Variants in SNX29 observed in about 807,000 individuals in gnomAD.
SNX29 encodes the protein sorting nexin 29.
Under a neutral mutation model 102.1 loss-of-function variants are expected in SNX29, and 78 were observed. That is an observed-to-expected ratio of 0.76 (90% CI 0.64 to 0.92). The LOEUF is 0.92. Among genes scored for constraint, SNX29 ranks in the 40% least tolerant of loss-of-function variants. The pLI, the probability that SNX29 is intolerant of heterozygous loss-of-function variation, is 0.00. For missense variants in SNX29, 1,280 were observed against 1,061.7 expected (o/e 1.21, Z -2.86); for synonymous variants, 580 against 414.5 (o/e 1.40, Z -4.85).
chr16:12,053,790 G>A (rs1203723770), intron 8 of SNX29, among the ~76,000 whole-genome samples: 1 of 151,752 alleles, frequency 6.6e-6, no homozygotes, highest in Non-Finnish European at 1.5e-5. Flanking sequence ...GCCAGGTGCT[G>A]CAGATGATTT....
At chr16:12,497,812 T>A (rs558523258) in intron 19 of SNX29, among the ~76,000 whole-genome samples, 91 of 152,310 alleles carry the variant, frequency 6.0e-4, no homozygotes, top group Non-Finnish European at 2.4e-4. Context: ...TTCCCAGTAG[T>A]TTCAGTCTCA....
At chr16:12,448,283 C>T (rs1012941149) in intron 18 of SNX29, among the ~76,000 whole-genome samples, 1 of 152,180 alleles carries the variant, frequency 6.6e-6, no homozygotes, top group African/African-American at 2.4e-5. Flanking sequence ...CCCCAGTGAA[C>T]TTCCCTGAAT....
intron 19 of SNX29, among the ~76,000 whole-genome samples, chr16:12,482,284 TTTTTCCTTTTCC>T (rs543478166): frequency 5.2e-4 from 79 of 150,872 alleles, no homozygotes; most frequent in Non-Finnish European, 9.1e-4. Context: ...TTCTTTTTCC[TTTTTCCTTTTCC>T]TTTTCCTTTT....
Position 12,572,258 on chromosome 16 carries a change from G to T in SNX29, c.*3629G>T, listed in dbSNP as rs764442878. 2.4e-5 allele frequency: 25 copies of T among 1,056,682 alleles called. No homozygotes were observed. Among genetic ancestry groups the T allele is most frequent in the Non-Finnish European group, 2.5e-5 (22 of 872,232 alleles). The allele number at this position is 1,056,682 out of a possible 1,614,324, so 65.5% of individuals were successfully genotyped here. A position where few individuals can be genotyped will look rare whatever the true frequency, so the allele number is the denominator to read the frequency against. On this transcript the variant is annotated 3_prime_UTR_variant, in exon 21 of 21. Coordinates refer to ENST00000566228, the MANE Select transcript of SNX29 (RefSeq NM_032167.5). ...TTTACACCAGGTGGATTGATACCAT[G>T]GCTGTAGCTGATGCAACTAACAAGT...
intron 1 of SNX29, among the ~76,000 whole-genome samples, chr16:11,990,475 G>T (rs1288288671): frequency 6.6e-6 from 1 of 152,066 alleles, no homozygotes; most frequent in Non-Finnish European, 1.5e-5. Context: ...TCTTGTATGT[G>T]CCCCGGGCAT....
At chr16:12,539,649 C>T (rs1447885090) in intron 20 of SNX29, among the ~76,000 whole-genome samples, 1 of 152,150 alleles carries the variant, frequency 6.6e-6, no homozygotes, top group Non-Finnish European at 1.5e-5. Flanking sequence ...AAACTGCATT[C>T]CCACAGCGTA....
At chr16:12,267,032 G>C (rs762548274) in intron 14 of SNX29, among the ~76,000 whole-genome samples, 2 of 152,148 alleles carry the variant, frequency 1.3e-5, no homozygotes, top group Non-Finnish European at 2.9e-5. Context: ...CAAAGTGCTG[G>C]GATCACAGTG....
intron 8 of SNX29, among the ~76,000 whole-genome samples, chr16:12,058,797 GTTTTTT>G (rs34150245): frequency 8.8e-6 from 1 of 113,762 alleles, no homozygotes; most frequent in African/African-American, 3.3e-5. Context: ...CCCGGCCTGG[GTTTTTT>G]TTTTTTTTTT....
At chr16:12,379,129 C>T (rs2151417481) in intron 16 of SNX29, among the ~76,000 whole-genome samples, 1 of 152,218 alleles carries the variant, frequency 6.6e-6, no homozygotes, top group South Asian at 2.1e-4. Context: ...TCTTCCTTTT[C>T]TTAAAAAAAT....
intron 15 of SNX29, among the ~76,000 whole-genome samples, chr16:12,339,766 T>C (rs1341058374): frequency 6.6e-6 from 1 of 152,180 alleles, no homozygotes; most frequent in Admixed American, 6.5e-5. Flanking sequence ...TCCCAGTAGC[T>C]CTAACAAGAT....
chr16:12,085,331 CT>C (rs1202419506), intron 11 of SNX29, among the ~76,000 whole-genome samples: 1 of 152,168 alleles, frequency 6.6e-6, no homozygotes, highest in African/African-American at 2.4e-5. Flanking sequence ...CTCCACTCTT[CT>C]TCCCTTTCCT....
In SNX29 at chr16:12,129,755, C is replaced by T. The variant is rs1469427547; in HGVS notation, c.1592C>T (p.Ala531Val). 6.2e-6 allele frequency: 10 copies of T among 1,605,070 alleles called. No homozygotes were observed. The East Asian group carries it at 2.0e-4, about 32-fold the overall frequency. Residue 531 changes from alanine to valine, a missense_variant, in exon 13 of 21, where the codon GCC becomes GTC. Coordinates refer to ENST00000566228, the MANE Select transcript of SNX29 (RefSeq NM_032167.5). Reference protein sequence around the residue: ...ERQGMKVQALARENEVLKVQL... With the variant: ...ERQGMKVQALVRENEVLKVQL... ...CAGGGCATGAAGGTCCAGGCGCTGG[C>T]CAGGTAGGAGAGGGTGAGGGATGGA... is the stretch of plus-strand genomic sequence containing the variant.
intron 3 of SNX29, among the ~76,000 whole-genome samples, chr16:12,007,048 A>C (rs915473925): frequency 1.3e-5 from 2 of 152,080 alleles, no homozygotes; most frequent in African/African-American, 2.4e-5. Flanking sequence ...TAGTGACTAA[A>C]TGGTTTTTGA....
At chr16:12,424,781 C>T (rs2084996117) in intron 18 of SNX29, among the ~76,000 whole-genome samples, 1 of 152,176 alleles carries the variant, frequency 6.6e-6, no homozygotes, top group Non-Finnish European at 1.5e-5. Context: ...TACCTTCCTT[C>T]CCTCAGTTAT....
chr16:12,541,155 C>A lies in SNX29; in HGVS notation c.2318+16314C>A, dbSNP rs116458653. On this transcript the variant is annotated intron_variant, in intron 20 of 20. Coordinates refer to ENST00000566228, the MANE Select transcript of SNX29 (RefSeq NM_032167.5). ...GGGGAGGTGACCTTACTACATCATA[C>A]CCAGACCTGGAACCTCTTCCTCAGT... 2.9e-3 allele frequency among the ~76,000 whole-genome samples: 436 copies of A among 152,302 alleles called. 1 individual carries two copies. The highest frequency in any genetic ancestry group is 0.01 in the African/African-American group (419 of 41,544).
At chr16:12,560,336 G>T (rs912364650) in intron 20 of SNX29, among the ~76,000 whole-genome samples, 41 of 152,112 alleles carry the variant, frequency 2.7e-4, no homozygotes, top group Non-Finnish European at 1.8e-4. Context: ...TGGGTTTACC[G>T]AAGGGGGATT....
At chr16:12,219,955 C>G (rs528110437) in intron 14 of SNX29, among the ~76,000 whole-genome samples, 110 of 152,340 alleles carry the variant, frequency 7.2e-4, no homozygotes, top group East Asian at 3.9e-4. Context: ...CGTGCACGCA[C>G]ACACACCCCA....
At chr16:12,537,315 T>G (rs1398188184) in intron 20 of SNX29, among the ~76,000 whole-genome samples, 3 of 152,250 alleles carry the variant, frequency 2.0e-5, no homozygotes, top group Non-Finnish European at 4.4e-5. Context: ...GTATAGTGGC[T>G]AAGCCAAAGC....
chr16:12,557,245 G>C (rs565205734), intron 20 of SNX29: 7 of 152,406 alleles, frequency 4.6e-5, no homozygotes, highest in African/African-American at 1.7e-4. Context: ...TTACCATTTG[G>C]ATCTATGGAA....
Sources: gnomAD v4.1 joint callset for allele counts (sites outside exome capture counted in the v4.1 genomes callset) on GRCh38, gnomAD v4.1.1 for gene constraint, MANE v1.5 for transcripts, NCBI Gene and HGNC (gene_info 2026-07-23, HGNC 2026-07-21) for gene names.